FAM90A1: variants seen among roughly 807,000 people sequenced by gnomAD.
FAM90A1 encodes the protein family with sequence similarity 90 member A1.
Under a neutral mutation model 14.8 loss-of-function variants are expected in FAM90A1, and 10 were observed. The ratio of observed to expected loss-of-function variants is 0.67; its 90% CI spans 0.42 to 1.14. The LOEUF is 1.14. FAM90A1 is among the 50% of genes most tolerant of loss of function. FAM90A1 has a pLI of 0.00. For synonymous variants in FAM90A1, 236 were observed against 248.4 expected, an observed-to-expected ratio of 0.95 and a Z score of 0.47; for missense variants, 567 against 602.8, an observed-to-expected ratio of 0.94 and a Z score of 0.62.
At position 8,222,190 on chromosome 12, in the gene FAM90A1, G is replaced by C. The variant is rs9668475; in HGVS notation, c.1027C>G (p.Arg343Gly). ...PPPAATELGP[R>G]TSPQTGTRTP... ...CTCGTGCCTGTCTGGGGTGACGTAC[G>C]TGGTCCAAGTTCGGTTGCGGCTGGC... is the stretch of plus-strand genomic sequence containing the variant. Residue 343 changes from arginine (R) to glycine (G), a missense_variant, in exon 7 of 7, where the codon CGT (arginine) becomes GGT (glycine). Arg to Gly is a moderately radical substitution (Grantham distance 125). Coordinates refer to ENST00000538603, the MANE Select transcript of FAM90A1 (RefSeq NM_018088.3). The C allele has an allele frequency of 3.8e-5, 61 of 1,599,682 alleles. No homozygotes were observed. Among genetic ancestry groups the C allele is most frequent in the Non-Finnish European group, 5.0e-5 (59 of 1,170,118 alleles).
chr12:8,227,044 C>A (rs1948960332), intron 1 of FAM90A1, among the ~76,000 whole-genome samples: 1 of 152,136 alleles, frequency 6.6e-6, no homozygotes, highest in Non-Finnish European at 1.5e-5. Context: ...CTCAGGTGAT[C>A]CACCTGCCTT....
In FAM90A1 at chr12:8,227,081, A is replaced by G. The variant is rs777482082; in HGVS notation, c.-421+399T>C. On this transcript the variant is annotated intron_variant, in intron 1 of 6. Transcript: ENST00000538603. ...GCCTCCCAATATGCTGGAATTATTGATATGAGCCATTGTGCCCGGTCATGT... is the reference window on the plus strand; with the variant it reads ...GCCTCCCAATATGCTGGAATTATTGGTATGAGCCATTGTGCCCGGTCATGT... Among the ~76,000 whole-genome samples, 39 of 152,198 alleles carry G rather than the reference A, an allele frequency of 2.6e-4. No homozygotes were observed. In the South Asian group the frequency reaches 7.5e-3, roughly 29 times the overall value.
rs763121744 is a variant in FAM90A1 at position 8,222,564 on chromosome 12, T to C, written c.653A>G (p.Gln218Arg). The part of the protein sequence containing the change: ...ADIPQTAVRH[Q>R]GPEPLLVVKP... ...CACCACGAGGAGAGGCTCGGGGCCC[T>C]GGTGCCTGACTGCAGTCTGAGGGAT... The change falls in exon 7 of 7, where the codon CAG becomes CGG. Residue 218 changes from glutamine to arginine, a missense_variant. Coordinates refer to ENST00000538603, the MANE Select transcript of FAM90A1 (RefSeq NM_018088.3). The C allele has an allele frequency of 3.1e-6, 5 of 1,612,030 alleles. No individual in the cohort carries two copies. Among genetic ancestry groups the C allele is most frequent in the African/African-American group, 2.7e-5 (2 of 74,980 alleles).
chr12:8,222,167 C>A lies in FAM90A1; in HGVS notation c.1050G>T (p.Thr350=), dbSNP rs774815324. The change falls in exon 7 of 7, where the codon ACG becomes ACT. Residue 350 remains threonine, a synonymous_variant. Transcript: ENST00000538603. ...CGCTAAGCACCTGGGCGGGTGTCCT[C>A]GTGCCTGTCTGGGGTGACGTACGTG... ...LGPRTSPQTG[T]RTPAQVLSGD... is the part of the protein sequence containing the mutation. 1.3e-6 allele frequency: 2 copies of A among 1,590,020 alleles called. No homozygotes were observed. Among genetic ancestry groups the A allele is most frequent in the Admixed American group, 1.7e-5 (1 of 58,080 alleles).
At chr12:8,222,871 C>T (rs1948866074) in intron 6 of FAM90A1, 87 bp from the exon 7 acceptor site, 5 of 1,438,900 alleles carry the variant, frequency 3.5e-6, no homozygotes, top group Admixed American at 2.0e-5. Context: ...AAGGTGCACA[C>T]GCCATGAAAT....
At chr12:8,224,352 A>T (rs879173394) in intron 4 of FAM90A1, 137 bp from the exon 5 acceptor site, 1 of 804,552 alleles carries the variant, frequency 1.2e-6, no homozygotes, top group African/African-American at 1.8e-5. Flanking sequence ...GGGGCCGTTA[A>T]GTGCTGGGAG....
At position 8,225,911 on chromosome 12, in the gene FAM90A1, G is replaced by C. The variant is rs1272374435; in HGVS notation, c.-132C>G. 1 of 152,246 alleles carries C rather than the reference G, an allele frequency of 6.6e-6. No homozygotes were observed. The highest frequency in any genetic ancestry group is 1.5e-5 in the Non-Finnish European group (1 of 68,054). The allele number at this position is 152,246 out of a possible 1,614,324, so 9.4% of individuals were successfully genotyped here. A position where few individuals can be genotyped will look rare whatever the true frequency, so the allele number is the denominator to read the frequency against. ...GTGCTGGAGCAGCCCCGCTGGAAGC[G>C]ATGCAGCATCCAGGAAGACGGAGGA... On this transcript the variant is annotated 5_prime_UTR_variant, in exon 3 of 7. The change creates a new upstream start codon in the 5' untranslated region. Coordinates refer to ENST00000538603, the MANE Select transcript of FAM90A1 (RefSeq NM_018088.3).
intron 1 of FAM90A1, among the ~76,000 whole-genome samples, chr12:8,226,845 G>A (rs1334094715): frequency 9.8e-5 from 11 of 112,184 alleles, no homozygotes; most frequent in South Asian, 3.0e-4. Context: ...AGTCTCTGTC[G>A]CCCAGGCTGG....
Position 8,222,332 on chromosome 12 carries a change from C to T in FAM90A1, c.885G>A (p.Pro295=). ...AGTTCAGGCAAGCCTGAATCGGAGC[C>T]GGGGCAGATCTCTTGGCTCCTGGCC... The part of the protein sequence containing the change: ...SFGPGAKRSA[P]APIQACLNFP... Residue 295 remains proline, a synonymous_variant, in exon 7 of 7, where the codon CCG becomes CCA. Coordinates refer to ENST00000538603, the MANE Select transcript of FAM90A1 (RefSeq NM_018088.3). 10 of 1,611,616 alleles carry T rather than the reference C, an allele frequency of 6.2e-6. No homozygotes were observed. Among genetic ancestry groups the T allele is most frequent in the Non-Finnish European group, 8.5e-6 (10 of 1,179,916 alleles).
chr12:8,221,718 G>C lies in FAM90A1; in HGVS notation c.*104C>G, dbSNP rs1420610515. On this transcript the variant is annotated 3_prime_UTR_variant, in exon 7 of 7. Transcript: ENST00000538603. ...AGAAGGGCCACAGCCGGGGAGCTTC[G>C]GAGTCACCGCACAGAGTCTGCTCTC... 7.6e-7 allele frequency: 1 copy of C among 1,314,810 alleles called. No homozygotes were observed. The highest frequency in any genetic ancestry group is 1.1e-6 in the Non-Finnish European group (1 of 939,700). The allele number at this position is 1,314,810 out of a possible 1,614,324, so 81.4% of individuals were successfully genotyped here.
Position 8,224,724 on chromosome 12 carries a change from C to T in FAM90A1, c.109G>A (p.Glu37Lys). The stretch of plus-strand genomic sequence containing the variant: ...GCTAGACTTACCCTGGGATCTTCTT[C>T]ATCGGGCGGGGGAGCCCTTGGCCCA... Reference protein sequence around the residue: ...PVGPRAPPPDEEDPRLKCKNC... With the variant: ...PVGPRAPPPDKEDPRLKCKNC... Residue 37 changes from glutamate to lysine, a missense_variant, in exon 4 of 7, where the codon GAA becomes AAA. Physicochemically the swap from Glu to Lys is moderately conservative, Grantham distance 56. Transcript: ENST00000538603. The T allele has an allele frequency of 1.4e-6, 2 of 1,404,908 alleles. No homozygotes were observed. Among genetic ancestry groups the T allele is most frequent in the Admixed American group, 3.9e-5 (2 of 51,306 alleles). 87.0% of individuals were successfully genotyped at this position (1,404,908 alleles called of 1,614,324 possible).
At chr12:8,226,207 C>T (rs1308582296) in intron 2 of FAM90A1, 65 bp downstream of exon 2, 1 of 152,274 alleles carries the variant, frequency 6.6e-6, no homozygotes, top group East Asian at 1.9e-4. Flanking sequence ...GTACCCCTGT[C>T]TTCTTTTCCA....
Position 8,227,603 on chromosome 12 carries a change from G to A in FAM90A1, c.-544C>T, listed in dbSNP as rs1481764266. On this transcript the variant is annotated 5_prime_UTR_variant, in exon 1 of 7. Transcript: ENST00000538603. The stretch of plus-strand genomic sequence containing the variant: ...GGTTGCTTCTGGAAGGGCCCGGATG[G>A]GGCCTGACTGGAGCTGCCGAGGGGT... 6.5e-7 allele frequency: 1 copy of A among 1,548,564 alleles called. No individual in the cohort carries two copies. The highest frequency in any genetic ancestry group is 8.7e-7 in the Non-Finnish European group (1 of 1,151,614).
At chr12:8,226,893 C>A (rs751629419) in intron 1 of FAM90A1, among the ~76,000 whole-genome samples, 1 of 147,300 alleles carries the variant, frequency 6.8e-6, no homozygotes, top group East Asian at 2.0e-4. Context: ...GCAACCTCCG[C>A]GTCTCACAGT....
rs1948820100 is a variant in FAM90A1 at position 8,221,510 on chromosome 12, GA to G, written c.*311del. 15 of 469,742 alleles carry G rather than the reference GA, an allele frequency of 3.2e-5. No individual in the cohort carries two copies. Among genetic ancestry groups the G allele is most frequent in the South Asian group, 3.0e-4 (14 of 47,418 alleles). The allele number at this position is 469,742 out of a possible 1,614,324, so 29.1% of individuals were successfully genotyped here. On this transcript the variant is annotated 3_prime_UTR_variant, in exon 7 of 7. Transcript: ENST00000538603. ...CACAGTAATTCCCCCGTTTCCTATT[GA>G]CGTCCCAGCGGAAGTCTGACTCCTG... is the stretch of plus-strand genomic sequence containing the variant.
intron 3 of FAM90A1, 25 bp downstream of exon 3, chr12:8,225,811 C>G (rs1235516527): frequency 2.6e-5 from 4 of 151,244 alleles, no homozygotes; most frequent in Non-Finnish European, 5.9e-5. Context: ...TTGCGTGAAA[C>G]AAACAACTGT....
In FAM90A1 at chr12:8,222,326, C is replaced by T. The variant is rs762924387; in HGVS notation, c.891G>A (p.Pro297=). 15 of 1,611,558 alleles carry T rather than the reference C, an allele frequency of 9.3e-6. No homozygotes were observed. The highest frequency in any genetic ancestry group is 2.2e-5 in the East Asian group (1 of 44,888). ...TGGGGAAGTTCAGGCAAGCCTGAAT[C>T]GGAGCCGGGGCAGATCTCTTGGCTC... ...GPGAKRSAPA[P]IQACLNFPKK... is the part of the protein sequence containing the mutation. The change falls in exon 7 of 7, where the codon CCG becomes CCA. Residue 297 remains proline, a synonymous_variant. Coordinates refer to ENST00000538603, the MANE Select transcript of FAM90A1 (RefSeq NM_018088.3).
chr12:8,224,952 G>A lies in FAM90A1; in HGVS notation c.-56-64C>T. The A allele has an allele frequency of 4.6e-6, 6 of 1,296,946 alleles. 1 individual carries two copies. In the South Asian group the frequency reaches 7.4e-5, roughly 16 times the overall value. 80.3% of individuals were successfully genotyped at this position (1,296,946 alleles called of 1,614,324 possible). ...CACATTGGATATTCACACACCCACA[G>A]GAAGCCCCCCGCTAATTCCTTGCCG... On this transcript the variant is annotated intron_variant, in intron 3 of 6. Coordinates refer to ENST00000538603, the MANE Select transcript of FAM90A1 (RefSeq NM_018088.3).
chr12:8,221,880 A>G lies in FAM90A1; in HGVS notation c.1337T>C (p.Leu446Pro). The change falls in exon 7 of 7, where the codon CTC (leucine) becomes CCC (proline). Residue 446 changes from leucine to proline, a missense_variant. By Grantham distance (98) the Leu-to-Pro change is moderately conservative (BLOSUM62 -3). Transcript: ENST00000538603. ...GPCVRVPPSV[L>P]YEDLQVPSSS... ...GGAGGGAACCTGAAGGTCCTCATAG[A>G]GGACGCTTGGTGGGACACGAACACA... 6.3e-7 allele frequency: 1 copy of G among 1,596,456 alleles called. No individual in the cohort carries two copies. Among genetic ancestry groups the G allele is most frequent in the Non-Finnish European group, 8.5e-7 (1 of 1,179,770 alleles).
Sources: allele counts gnomAD v4.1 joint callset (sites outside exome capture counted in the v4.1 genomes callset), GRCh38; gene constraint gnomAD v4.1.1; transcripts MANE v1.5; gene names NCBI Gene and HGNC (gene_info 2026-07-23, HGNC 2026-07-21).